ROPN1B: variants seen among roughly 807,000 people sequenced by gnomAD.
ROPN1B encodes rhophilin associated tail protein 1B.
A neutral mutation model predicts 23.7 loss-of-function variants in ROPN1B; 13 were observed. The observed-to-expected ratio is 0.55, with a 90% CI of 0.36 to 0.87. ROPN1B has a LOEUF of 0.87. Among genes scored for constraint, ROPN1B ranks in the 40% least tolerant of loss-of-function variants. ROPN1B has a pLI of 0.01. For missense variants in ROPN1B, 183 were observed against 249.2 expected (o/e 0.73, Z 1.79); for synonymous variants, 67 against 100.4 (o/e 0.67, Z 1.99).
chr3:125,980,249 A>T (rs1425035447), intron 5 of ROPN1B, among the ~76,000 whole-genome samples: 1 of 152,250 alleles, frequency 6.6e-6, no homozygotes, highest in Non-Finnish European at 1.5e-5. Context: ...TTAAATCTTT[A>T]AAAATATTTA....
At chr3:125,979,476 C>G (rs560540430) in intron 5 of ROPN1B, among the ~76,000 whole-genome samples, 23 of 152,210 alleles carry the variant, frequency 1.5e-4, no homozygotes, top group African/African-American at 5.5e-4. Context: ...ATAAAAGTTG[C>G]CCCTCCACCA....
intron 5 of ROPN1B, chr3:125,977,712 CTTGT>C (rs1422777419): frequency 3.1e-5 from 5 of 163,374 alleles, no homozygotes; most frequent in Admixed American, 5.6e-5. Context: ...CCAAATTTGA[CTTGT>C]TTGATATTGG....
At chr3:125,971,973 T>C in intron 2 of ROPN1B, 70 bp from the exon 3 acceptor site, 1 of 1,432,128 alleles carries the variant, frequency 7.0e-7, no homozygotes, top group South Asian at 1.3e-5. Flanking sequence ...CTGGGTGACC[T>C]CCTGTCCAGG....
rs754952885 is a variant in ROPN1B at position 125,972,164 on chromosome 3, G to C, written c.110G>C (p.Gly37Ala). ...CAGCCGCAGGACCTCATCCAGTGGGGGGCCGAGTACGTGCTCCTTTCTCGC... is the reference window on the plus strand; with the variant it reads ...CAGCCGCAGGACCTCATCCAGTGGGCGGCCGAGTACGTGCTCCTTTCTCGC... ...RAQPQDLIQW[G>A]ADYFEALSRG... Residue 37 changes from glycine to alanine, a missense_variant, in exon 3 of 7, where the codon GGG (glycine) becomes GCG (alanine). Transcript: ENST00000514116. 1.9e-5 allele frequency: 31 copies of C among 1,614,074 alleles called. No individual in the cohort carries two copies. Among genetic ancestry groups the C allele is most frequent in the East Asian group, 6.7e-5 (3 of 44,900 alleles).
rs1441887963 is a variant in ROPN1B at position 125,976,887 on chromosome 3, C to T, written c.235-117C>T. 1.4e-5 allele frequency: 11 copies of T among 770,820 alleles called. No homozygotes were observed. The East Asian group carries it at 2.2e-4, about 16-fold the overall frequency. The allele number at this position is 770,820 out of a possible 1,614,324, so 47.7% of individuals were successfully genotyped here. On this transcript the variant is annotated intron_variant, in intron 4 of 6. Coordinates refer to ENST00000514116, the MANE Select transcript of ROPN1B (RefSeq NM_001308313.2). ...CATCTTTACCTTCCTAACACCCCCTCCCGCCCCTTGCCATGTGCTGGGAGA... is the reference window on the plus strand; with the variant it reads ...CATCTTTACCTTCCTAACACCCCCTTCCGCCCCTTGCCATGTGCTGGGAGA...
In ROPN1B at chr3:125,983,356, A is replaced by C. The variant is rs1179626428; in HGVS notation, c.*36A>C. 1.4e-6 allele frequency: 2 copies of C among 1,435,322 alleles called. No individual in the cohort carries two copies. The highest frequency in any genetic ancestry group is 3.4e-5 in the Admixed American group (2 of 59,602). 88.9% of individuals were successfully genotyped at this position (1,435,322 alleles called of 1,614,324 possible). ...TTGGCAATTTTAAAGGAAGATACAG[A>C]GGTGATTGTACTTCAGAATGATAAA... is the stretch of plus-strand genomic sequence containing the variant. On this transcript the variant is annotated 3_prime_UTR_variant, in exon 7 of 7. Coordinates refer to ENST00000514116, the MANE Select transcript of ROPN1B (RefSeq NM_001308313.2).
Position 125,983,371 on chromosome 3 carries a change from A to C in ROPN1B, c.*51A>C. ...GAAGATACAGAGGTGATTGTACTTC[A>C]GAATGATAAACCCATATACCACCTA... is the stretch of plus-strand genomic sequence containing the variant. On this transcript the variant is annotated 3_prime_UTR_variant, in exon 7 of 7. Transcript: ENST00000514116. The C allele has an allele frequency of 2.3e-6, 3 of 1,296,594 alleles. No homozygotes were observed. Among genetic ancestry groups the C allele is most frequent in the East Asian group, 2.3e-5 (1 of 43,370 alleles). 80.3% of individuals were successfully genotyped at this position (1,296,594 alleles called of 1,614,324 possible).
intron 5 of ROPN1B, among the ~76,000 whole-genome samples, chr3:125,978,181 A>G (rs969330723): frequency 2.0e-5 from 3 of 152,180 alleles, no homozygotes; most frequent in Non-Finnish European, 2.9e-5. Flanking sequence ...ATAAATCACT[A>G]TCCTCTGAGG....
chr3:125,983,331 T>C lies in ROPN1B; in HGVS notation c.*11T>C. On this transcript the variant is annotated 3_prime_UTR_variant, in exon 7 of 7. Transcript: ENST00000514116. Reference sequence around the variant, plus strand: ...GTTTGGCTGGAGTAACAGCACAATTTTGGCAATTTTAAAGGAAGATACAGA... The same window carrying C: ...GTTTGGCTGGAGTAACAGCACAATTCTGGCAATTTTAAAGGAAGATACAGA... 3 of 1,607,596 alleles carry C rather than the reference T, an allele frequency of 1.9e-6. No individual in the cohort carries two copies. The highest frequency in any genetic ancestry group is 4.5e-5 in the East Asian group (2 of 44,822).
intron 6 of ROPN1B, 91 bp from the exon 7 acceptor site, chr3:125,983,163 G>C: frequency 1.1e-6 from 1 of 919,270 alleles, no homozygotes; most frequent in Non-Finnish European, 1.8e-6. Flanking sequence ...AGCAACAGCA[G>C]AATTAATGTG....
intron 4 of ROPN1B, 135 bp downstream of exon 4, chr3:125,975,815 C>T (rs1938390285): frequency 1.4e-6 from 1 of 710,392 alleles, no homozygotes; most frequent in African/African-American, 1.8e-5. Context: ...AAACCGTGGA[C>T]TGAAAGTAAA....
intron 2 of ROPN1B, among the ~76,000 whole-genome samples, chr3:125,971,578 T>G (rs1350535240): frequency 6.6e-6 from 1 of 152,238 alleles, no homozygotes; most frequent in Non-Finnish European, 1.5e-5. Flanking sequence ...AATAACCTAA[T>G]GTTAATTCAT....
At position 125,975,613 on chromosome 3, in the gene ROPN1B, C is replaced by G. The variant is rs745664452; in HGVS notation, c.167C>G (p.Ser56Cys). The change falls in exon 4 of 7, where the codon TCT becomes TGT. Residue 56 changes from serine (S) to cysteine (C), a missense_variant. Ser to Cys is a moderately radical substitution (Grantham distance 112, BLOSUM62 -1). This residue lies in a region of ROPN1B where 97 missense variants were observed against 99.6 expected (regional missense o/e 0.97). Transcript: ENST00000514116. The part of the protein sequence containing the change: ...RGETPPVRER[S>C]ERVALCNWAE... ...GAGACGCCTCCGGTGAGAGAGCGGT[C>G]TGAGCGAGTCGCTTTGTGTAACTGG... is the stretch of plus-strand genomic sequence containing the variant. 8 of 1,613,954 alleles carry G rather than the reference C, an allele frequency of 5.0e-6. No individual in the cohort carries two copies. The highest frequency in any genetic ancestry group is 6.8e-6 in the Non-Finnish European group (8 of 1,180,000).
At chr3:125,978,721 C>A (rs1411422688) in intron 5 of ROPN1B, among the ~76,000 whole-genome samples, 1 of 152,162 alleles carries the variant, frequency 6.6e-6, no homozygotes, top group Non-Finnish European at 1.5e-5. Flanking sequence ...TGGCTCATTT[C>A]AGTTCTCAAT....
chr3:125,974,303 C>T (rs570827326), intron 3 of ROPN1B, among the ~76,000 whole-genome samples: 7 of 149,470 alleles, frequency 4.7e-5, no homozygotes, highest in Non-Finnish European at 7.4e-5. Context: ...AGAGATTTCT[C>T]AAGCACATTG....
intron 1 of ROPN1B, among the ~76,000 whole-genome samples, chr3:125,970,336 G>A (rs1419902174): frequency 6.6e-6 from 1 of 152,182 alleles, no homozygotes; most frequent in African/African-American, 2.4e-5. Flanking sequence ...AGTTGTCTGT[G>A]CTTGGTTCCA....
At chr3:125,979,718 CAG>C (rs1215825624) in intron 5 of ROPN1B, among the ~76,000 whole-genome samples, 1 of 152,226 alleles carries the variant, frequency 6.6e-6, no homozygotes, top group East Asian at 1.9e-4. Context: ...GAGGCAAGCC[CAG>C]AGTTTCTCTT....
intron 6 of ROPN1B, 149 bp from the exon 7 acceptor site, chr3:125,983,105 C>G (rs12496921): frequency 0.19 from 117,354 of 620,294 alleles, 11,775 homozygotes; most frequent in Middle Eastern, 0.24. Flanking sequence ...CCAGCCTGGA[C>G]GACAGAGCCA....
At chr3:125,972,613 G>A (rs1938259213) in intron 3 of ROPN1B, 1 of 361,312 alleles carries the variant, frequency 2.8e-6, no homozygotes, top group Admixed American at 4.3e-5. Context: ...GACAGCCCTG[G>A]GTGGATGGGG....
Sources: allele counts gnomAD v4.1 joint callset (sites outside exome capture counted in the v4.1 genomes callset), GRCh38; gene constraint gnomAD v4.1.1; regional missense constraint gnomAD v4.1.1; transcripts MANE v1.5; gene names NCBI Gene and HGNC (gene_info 2026-07-23, HGNC 2026-07-21).